SLC9A9: variants seen among roughly 807,000 people sequenced by gnomAD.
The protein encoded by SLC9A9 is sodium/hydrogen exchanger 9.
In SLC9A9, 62 loss-of-function variants were observed where a neutral mutation model predicts 77.8. The ratio of observed to expected loss-of-function variants is 0.80; its 90% CI spans 0.65 to 0.98. The LOEUF is 0.98. SLC9A9 is among the 50% of genes least tolerant of loss of function. SLC9A9 has a pLI of 0.00. For missense variants in SLC9A9, 775 were observed against 774.9 expected, an observed-to-expected ratio of 1.00 and a Z score of 0.00; for synonymous variants, 320 against 283.5, an observed-to-expected ratio of 1.13 and a Z score of -1.29.
intron 9 of SLC9A9, among the ~76,000 whole-genome samples, chr3:143,525,623 G>A (rs1240665628): frequency 6.6e-6 from 1 of 152,158 alleles, no homozygotes; most frequent in Non-Finnish European, 1.5e-5. Flanking sequence ...CAACCTTGCA[G>A]CATATTTCTG....
intron 5 of SLC9A9, among the ~76,000 whole-genome samples, chr3:143,665,098 C>T (rs2039042691): frequency 6.6e-6 from 1 of 152,176 alleles, no homozygotes; most frequent in Admixed American, 6.5e-5. Flanking sequence ...AAGCACTCCT[C>T]AGCAAATGTA....
At chr3:143,700,318 A>C (rs9857086) in intron 4 of SLC9A9, among the ~76,000 whole-genome samples, 5,542 of 152,174 alleles carry the variant, frequency 0.036, 113 homozygotes, top group Middle Eastern at 0.058. Flanking sequence ...GGAAAAGTAG[A>C]AGGTATTTTG....
intron 4 of SLC9A9, among the ~76,000 whole-genome samples, chr3:143,718,260 A>G (rs544505224): frequency 1.3e-5 from 2 of 152,266 alleles, no homozygotes; most frequent in South Asian, 4.1e-4. Context: ...GTGCAAACTC[A>G]CCTACTGGTT....
chr3:143,797,739 T>A (rs1372125663), intron 2 of SLC9A9, among the ~76,000 whole-genome samples: 2 of 151,886 alleles, frequency 1.3e-5, no homozygotes, highest in African/African-American at 4.8e-5. Flanking sequence ...GCACCTTGTG[T>A]CCCCCGCCCC....
intron 6 of SLC9A9, among the ~76,000 whole-genome samples, chr3:143,637,127 T>C (rs1228709163): frequency 6.6e-6 from 1 of 152,184 alleles, no homozygotes; most frequent in Non-Finnish European, 1.5e-5. Context: ...GTGATGGATC[T>C]TATCCAAAAT....
At chr3:143,462,812 G>A (rs6768834) in intron 12 of SLC9A9, among the ~76,000 whole-genome samples, 44,066 of 151,974 alleles carry the variant, frequency 0.29, 6,660 homozygotes, top group East Asian at 0.49. Flanking sequence ...TAGATTGCAG[G>A]CATTGAGAAT....
chr3:143,543,803 T>C (rs2036736677), intron 9 of SLC9A9, among the ~76,000 whole-genome samples: 1 of 152,086 alleles, frequency 6.6e-6, no homozygotes, highest in Admixed American at 6.5e-5. Flanking sequence ...GATGGACACC[T>C]AGATTGATTC....
chr3:143,407,619 G>A (rs1173129491), intron 12 of SLC9A9, among the ~76,000 whole-genome samples: 18 of 152,204 alleles, frequency 1.2e-4, no homozygotes, highest in Non-Finnish European at 4.4e-5. Context: ...TCAGAGAATT[G>A]CAAGTTGAGG....
intron 9 of SLC9A9, among the ~76,000 whole-genome samples, chr3:143,538,317 AC>A (rs2036627975): frequency 6.6e-6 from 1 of 152,194 alleles, no homozygotes; most frequent in South Asian, 2.1e-4. Context: ...TCAACTTGGT[AC>A]TATAAGAGCA....
At chr3:143,556,930 G>T (rs1257783955) in intron 8 of SLC9A9, among the ~76,000 whole-genome samples, 1 of 152,204 alleles carries the variant, frequency 6.6e-6, no homozygotes. Context: ...CCAAGTCCAA[G>T]AGAACTGGAA....
chr3:143,317,873 A>G (rs556511629), intron 14 of SLC9A9, among the ~76,000 whole-genome samples: 43 of 152,070 alleles, frequency 2.8e-4, no homozygotes, highest in Middle Eastern at 3.4e-3. Context: ...GACTACAGGC[A>G]CCCGCCACCA....
chr3:143,720,114 T>A (rs1934458214), intron 4 of SLC9A9, among the ~76,000 whole-genome samples: 1 of 151,326 alleles, frequency 6.6e-6, no homozygotes, highest in African/African-American at 2.4e-5. Flanking sequence ...TGATACCACA[T>A]ATATAATATA....
At chr3:143,509,993 GCCATGCTTGTT>G (rs1257296806) in intron 9 of SLC9A9, among the ~76,000 whole-genome samples, 1 of 152,134 alleles carries the variant, frequency 6.6e-6, no homozygotes. Flanking sequence ...CTTAACAAGA[GCCATGCTTGTT>G]CCAAAATTTG....
chr3:143,608,615 T>C (rs1398931883), intron 6 of SLC9A9, among the ~76,000 whole-genome samples: 2 of 152,246 alleles, frequency 1.3e-5, no homozygotes, highest in African/African-American at 4.8e-5. Context: ...TTTTTTCTGG[T>C]ACTGGTAGCT....
intron 2 of SLC9A9, among the ~76,000 whole-genome samples, chr3:143,825,649 G>C (rs1559816213): frequency 6.6e-6 from 1 of 152,192 alleles, no homozygotes; most frequent in Non-Finnish European, 1.5e-5. Flanking sequence ...TTGCTCAGCA[G>C]TGTAACTCAC....
intron 14 of SLC9A9, among the ~76,000 whole-genome samples, chr3:143,305,238 A>C (rs2030728194): frequency 1.3e-5 from 2 of 152,200 alleles, no homozygotes; most frequent in Non-Finnish European, 2.9e-5. Flanking sequence ...ATGTTCTAGC[A>C]GGTGACTCGT....
At chr3:143,538,546 C>T (rs549916220) in intron 9 of SLC9A9, among the ~76,000 whole-genome samples, 5 of 152,234 alleles carry the variant, frequency 3.3e-5, no homozygotes, top group East Asian at 1.9e-4. Flanking sequence ...GGGAAGACCT[C>T]GGCACTAGTC....
intron 14 of SLC9A9, among the ~76,000 whole-genome samples, chr3:143,333,876 T>A (rs555645506): frequency 1.3e-5 from 2 of 151,044 alleles, no homozygotes; most frequent in East Asian, 3.9e-4. Flanking sequence ...TTTCCAGTTG[T>A]TTTTTGTGGA....
intron 5 of SLC9A9, among the ~76,000 whole-genome samples, chr3:143,680,586 T>C (rs1933054954): frequency 6.6e-6 from 1 of 152,140 alleles, no homozygotes; most frequent in Admixed American, 6.5e-5. Flanking sequence ...TTGAATTTTA[T>C]TTCTAGAAAC....
Sources: allele counts gnomAD v4.1 joint callset (sites outside exome capture counted in the v4.1 genomes callset), GRCh38; gene constraint gnomAD v4.1.1; transcripts MANE v1.5; gene names NCBI Gene and HGNC (gene_info 2026-07-23, HGNC 2026-07-21).